The following TXLNA variants were observed in gnomAD, a reference collection of about 807,000 sequenced individuals.
TXLNA encodes alpha-taxilin.
Under a neutral mutation model 61.4 loss-of-function variants are expected in TXLNA, and 9 were observed. The ratio of observed to expected loss-of-function variants is 0.15; its 90% confidence interval spans 0.09 to 0.26. The LOEUF is 0.26. Ranked by LOEUF, TXLNA falls within the 10% of genes least tolerant of loss-of-function variation. The pLI is 1.00. For synonymous variants in TXLNA, 257 were observed against 267.7 expected (o/e 0.96, Z 0.39); for missense variants, 565 against 688.8 (o/e 0.82, Z 2.01).
chr1:32,194,223 C>G lies in TXLNA; in HGVS notation c.1347+63C>G, dbSNP rs1642966158. ...GCACTTAGCGCATATCAGGCCCTTT[C>G]CTGTATGTTCTACCCATCAGTGACA... On this transcript the variant is annotated intron_variant, in intron 10 of 10. Coordinates refer to ENST00000373610, the MANE Select transcript of TXLNA (RefSeq NM_175852.4). 3 of 1,327,838 alleles carry G rather than the reference C, an allele frequency of 2.3e-6. No individual in the cohort carries two copies. In the South Asian group the frequency reaches 3.7e-5, roughly 16 times the overall value. The allele number at this position is 1,327,838 out of a possible 1,614,324, so 82.3% of individuals were successfully genotyped here. A position where few individuals can be genotyped will look rare whatever the true frequency, so the allele number is the denominator to read the frequency against.
intron 3 of TXLNA, among the ~76,000 whole-genome samples, chr1:32,182,942 C>T (rs1196672212): frequency 1.3e-5 from 2 of 151,250 alleles, no homozygotes; most frequent in Admixed American, 6.6e-5. Flanking sequence ...TGGCACGTGC[C>T]TATAATCCCA....
intron 3 of TXLNA, among the ~76,000 whole-genome samples, chr1:32,182,307 A>T (rs1043186802): frequency 1.8e-4 from 28 of 151,948 alleles, no homozygotes; most frequent in Non-Finnish European, 4.1e-4. Flanking sequence ...AGGCTCCCTG[A>T]CTCAGTCACA....
intron 2 of TXLNA, 36 bp downstream of exon 2, chr1:32,180,550 G>A: frequency 1.3e-6 from 2 of 1,559,212 alleles, no homozygotes; most frequent in Non-Finnish European, 1.7e-6. Context: ...CGGGCAGGGG[G>A]AGGAGCTGTG....
chr1:32,192,285 G>T lies in TXLNA; in HGVS notation c.964-26G>T. 1.2e-6 allele frequency: 2 copies of T among 1,610,630 alleles called. No homozygotes were observed. The highest frequency in any genetic ancestry group is 2.2e-5 in the South Asian group (2 of 90,780). On this transcript the variant is annotated intron_variant, in intron 6 of 10. Coordinates refer to ENST00000373610, the MANE Select transcript of TXLNA (RefSeq NM_175852.4). This position sits in a 1 kb window ranked among gnomAD's most constrained non-coding sequence, Gnocchi z 4.2. ...TGAGAAAGGGAGCGCCTGACAAGCC[G>T]ACTGCTCCCACCATCTTTGTTGCAG...
Position 32,194,124 on chromosome 1 carries a change from G to A in TXLNA, c.1311G>A (p.Glu437=). The change falls in exon 10 of 11, where the codon GAG becomes GAA. Residue 437 remains glutamate (E), a synonymous_variant. Coordinates refer to ENST00000373610, the MANE Select transcript of TXLNA (RefSeq NM_175852.4). ...CCACCATGTACCGGTCCCGGTGGGA[G>A]AGCAGCAACAAGGCCCTGCTTGAGA... ...KETTMYRSRW[E]SSNKALLEMA... is the part of the protein sequence containing the mutation. 1 of 1,614,008 alleles carries A rather than the reference G, an allele frequency of 6.2e-7. No homozygotes were observed. Among genetic ancestry groups the A allele is most frequent in the Non-Finnish European group, 8.5e-7 (1 of 1,179,944 alleles).
At chr1:32,191,792 ACCTTCTCTCCATC>A (rs1190678794) in intron 6 of TXLNA, among the ~76,000 whole-genome samples, 1 of 152,186 alleles carries the variant, frequency 6.6e-6, no homozygotes, top group Non-Finnish European at 1.5e-5. Context: ...TGAGTCCTTC[ACCTTCTCTCCATC>A]CCTTCTCTCT....
In TXLNA at chr1:32,181,574, T is replaced by C; in HGVS notation, c.502T>C (p.Leu168=). 6.5e-7 allele frequency: 1 copy of C among 1,536,046 alleles called. No homozygotes were observed. Among genetic ancestry groups the C allele is most frequent in the Admixed American group, 2.1e-5 (1 of 48,582 alleles). Residue 168 remains leucine (L), a synonymous_variant, in exon 3 of 11, where the codon TTG becomes CTG. Transcript: ENST00000373610. The part of the protein sequence containing the change: ...RPQEKKKAKG[L]GKEITLLMQT... ...ACAGGAGAAGAAAAAAGCCAAGGGT[T>C]TGGGTGAGCAGAGGGCGGCTCTTTG...
At position 32,179,782 on chromosome 1, in the gene TXLNA, T is replaced by C. The variant is rs1231247120; in HGVS notation, c.-33+6T>C. 1 of 152,450 alleles carries C rather than the reference T, an allele frequency of 6.6e-6. No individual in the cohort carries two copies. Among genetic ancestry groups the C allele is most frequent in the African/African-American group, 2.4e-5 (1 of 41,444 alleles). 9.4% of individuals were successfully genotyped at this position (152,450 alleles called of 1,614,324 possible). On this transcript the variant is annotated splice_donor_region_variant and intron_variant, in intron 1 of 10. Transcript: ENST00000373610. Reference sequence around the variant, plus strand: ...CATCGGACGTCGGCGGTGAGGTACGTGCAGCGGCGGCCGGTGGGCGAGACT... The same window carrying C: ...CATCGGACGTCGGCGGTGAGGTACGCGCAGCGGCGGCCGGTGGGCGAGACT...
In TXLNA at chr1:32,196,250, C is replaced by G. The variant is rs1643022376; in HGVS notation, c.*1055C>G. 1 of 152,996 alleles carries G rather than the reference C, an allele frequency of 6.5e-6. No individual in the cohort carries two copies. 9.5% of individuals were successfully genotyped at this position (152,996 alleles called of 1,614,324 possible). ...GGTTTCAGTCCTGAGAGGCCACCAC[C>G]AGTTCCCATCAGCACTGTCTCCATG... On this transcript the variant is annotated 3_prime_UTR_variant, in exon 11 of 11. Transcript: ENST00000373610.
At position 32,181,325 on chromosome 1, in the gene TXLNA, A is replaced by G. The variant is rs1236389694; in HGVS notation, c.253A>G (p.Thr85Ala). ...LSRQLEDILS[T>A]YCVDNNQGGP... Reference sequence around the variant, plus strand: ...CCGCCAACTGGAAGACATACTGAGCACATACTGTGTGGACAATAACCAGGG... The same window carrying G: ...CCGCCAACTGGAAGACATACTGAGCGCATACTGTGTGGACAATAACCAGGG... Residue 85 changes from threonine to alanine, a missense_variant, in exon 3 of 11, where the codon ACA (threonine) becomes GCA (alanine). Around this residue, in one of 2 missense-constraint regions of TXLNA, gnomAD observed 192 missense variants for 184.8 expected, o/e 1.04. Coordinates refer to ENST00000373610, the MANE Select transcript of TXLNA (RefSeq NM_175852.4). 6.2e-7 allele frequency: 1 copy of G among 1,614,070 alleles called. No individual in the cohort carries two copies. Among genetic ancestry groups the G allele is most frequent in the East Asian group, 2.2e-5 (1 of 44,900 alleles).
intron 9 of TXLNA, among the ~76,000 whole-genome samples, chr1:32,193,781 TCTTGGCCTCAAGTGATCTGCCCGC>T (rs1642956742): frequency 6.6e-6 from 1 of 151,966 alleles, no homozygotes; most frequent in Admixed American, 6.6e-5. Context: ...GGTCTCGAAC[TCTTGGCCTCAAGTGATCTGCCCGC>T]CTTGGCCTCC....
At chr1:32,185,092 T>C (rs1049439459) in intron 4 of TXLNA, among the ~76,000 whole-genome samples, 8 of 152,250 alleles carry the variant, frequency 5.3e-5, no homozygotes, top group Non-Finnish European at 1.2e-4. Flanking sequence ...GTCATCTCTG[T>C]GGTATCATTT....
In TXLNA at chr1:32,192,461, G is replaced by GGTGGGGGT. The variant is rs1553136444; in HGVS notation, c.1083+36_1083+37insGGTGTGGG. 3.7e-6 allele frequency: 6 copies of GGTGGGGGT among 1,610,038 alleles called. No individual in the cohort carries two copies. Among genetic ancestry groups the GGTGGGGGT allele is most frequent in the African/African-American group, 2.7e-5 (2 of 74,704 alleles). On this transcript the variant is annotated intron_variant, in intron 7 of 10. Coordinates refer to ENST00000373610, the MANE Select transcript of TXLNA (RefSeq NM_175852.4). The surrounding 1 kb of genome is among the most constrained non-coding windows in gnomAD (Gnocchi z 4.2). Reference sequence around the variant, plus strand: ...GCTCAGGCCCCAGGGTTGGGGTGGGGGTGGGAGGAGACAGGCTGGGCTCTG... The same window carrying GGTGGGGGT: ...GCTCAGGCCCCAGGGTTGGGGTGGGGGTGGGGGTGTGGGAGGAGACAGGCTGGGCTCTG...
At chr1:32,189,050 T>C (rs1642848812) in intron 5 of TXLNA, among the ~76,000 whole-genome samples, 1 of 152,252 alleles carries the variant, frequency 6.6e-6, no homozygotes, top group Non-Finnish European at 1.5e-5. Context: ...TTTTTCACTT[T>C]ACATAACATT....
At chr1:32,181,727 G>C in intron 3 of TXLNA, 150 bp downstream of exon 3, 2 of 761,338 alleles carry the variant, frequency 2.6e-6, no homozygotes, top group Non-Finnish European at 4.1e-6. Flanking sequence ...CCAGGGATGT[G>C]GGGGCCACGG....
At chr1:32,185,378 GTATGTATGTATT>G (rs1642759802) in intron 4 of TXLNA, among the ~76,000 whole-genome samples, 2 of 150,140 alleles carry the variant, frequency 1.3e-5, no homozygotes, top group African/African-American at 4.9e-5. Flanking sequence ...ATGTATGTAT[GTATGTATGTATT>G]TATTTATTTA....
chr1:32,190,272 T>A, intron 6 of TXLNA, 23 bp downstream of exon 6: 1 of 1,567,672 alleles, frequency 6.4e-7, no homozygotes, highest in Non-Finnish European at 8.7e-7. Flanking sequence ...CGGACAGCAG[T>A]CATGGCCCAG....
intron 6 of TXLNA, among the ~76,000 whole-genome samples, chr1:32,191,374 T>G (rs1569625361): frequency 1.3e-5 from 2 of 152,260 alleles, no homozygotes; most frequent in South Asian, 4.1e-4. Flanking sequence ...GTGCAGGACC[T>G]AGAGGGCGCT....
intron 6 of TXLNA, among the ~76,000 whole-genome samples, chr1:32,191,677 A>AG (rs1642910021): frequency 1.3e-5 from 2 of 152,110 alleles, no homozygotes; most frequent in Non-Finnish European, 2.9e-5. Context: ...CATCATACCC[A>AG]AACTGGACTT....
Sources: allele counts gnomAD v4.1 joint callset (sites outside exome capture counted in the v4.1 genomes callset), GRCh38; gene constraint gnomAD v4.1.1; regional missense constraint gnomAD v4.1.1; non-coding constraint Gnocchi (gnomAD v3.1); transcripts MANE v1.5; gene names NCBI Gene and HGNC (gene_info 2026-07-23, HGNC 2026-07-21).